Variants in TBC1D31 observed in about 807,000 individuals in gnomAD.
The protein encoded by TBC1D31 is WD repeat domain 67.
Under a neutral mutation model 132.9 loss-of-function variants are expected in TBC1D31, and 99 were observed. That is an observed-to-expected ratio of 0.74 (90% confidence interval 0.63 to 0.88). TBC1D31 has a LOEUF of 0.88. Ranked by LOEUF, TBC1D31 falls within the 40% of genes least tolerant of loss-of-function variation. TBC1D31 has a pLI of 0.00. For synonymous variants in TBC1D31, 385 were observed against 419.4 expected (o/e 0.92, Z 1.00); for missense variants, 1,134 against 1,256.6 (o/e 0.90, Z 1.48).
At chr8:123,076,350 G>A (rs1424363856) in intron 1 of TBC1D31, among the ~76,000 whole-genome samples, 1 of 151,868 alleles carries the variant, frequency 6.6e-6, no homozygotes, top group Non-Finnish European at 1.5e-5. Flanking sequence ...GTGTGTGTGT[G>A]TGTGTGTGTG....
intron 10 of TBC1D31, 65 bp from the exon 11 acceptor site, chr8:123,119,990 A>T: frequency 7.3e-7 from 1 of 1,371,082 alleles, no homozygotes; most frequent in South Asian, 1.6e-5. Context: ...TTTGTATCAA[A>T]TTTTTATCAT....
At chr8:123,164,721 C>CA in the TBC1D31 span, among the ~76,000 whole-genome samples, 116,869 of 146,836 alleles carry the variant, frequency 0.8, 46,542 homozygotes, top group African/African-American at 0.88. Flanking sequence ...GACTCCATCT[C>CA]AAAAAAAAAA....
intron 17 of TBC1D31, among the ~76,000 whole-genome samples, chr8:123,139,544 A>G (rs1268628528): frequency 6.6e-6 from 1 of 152,140 alleles, no homozygotes; most frequent in Admixed American, 6.5e-5. Context: ...CTCTGTGTGC[A>G]TGTTAGGGCA....
downstream of TBC1D31, among the ~76,000 whole-genome samples, chr8:123,152,828 G>A (rs138072468): frequency 5.3e-3 from 805 of 152,210 alleles, 6 homozygotes; most frequent in African/African-American, 0.018. Flanking sequence ...CCGAGATCAC[G>A]CCACCGCACT....
At chr8:123,131,827 AT>A (rs1357836266) in intron 16 of TBC1D31, among the ~76,000 whole-genome samples, 2 of 152,132 alleles carry the variant, frequency 1.3e-5, no homozygotes, top group East Asian at 3.9e-4. Flanking sequence ...CAGTCTTAAT[AT>A]TTGCCAAGCA....
chr8:123,161,596 T>C, the TBC1D31 span, among the ~76,000 whole-genome samples: 4 of 151,740 alleles, frequency 2.6e-5, no homozygotes, highest in Non-Finnish European at 5.9e-5. Context: ...CTTCTGGGCA[T>C]CTCCTCTCAT....
At chr8:123,086,660 A>G (rs1815785250) in intron 4 of TBC1D31, among the ~76,000 whole-genome samples, 1 of 151,588 alleles carries the variant, frequency 6.6e-6, no homozygotes, top group Admixed American at 6.6e-5. Context: ...GTGTCATGCT[A>G]CATTGTCCAC....
chr8:123,079,983 C>T (rs560702253), intron 2 of TBC1D31, among the ~76,000 whole-genome samples: 15 of 152,312 alleles, frequency 9.8e-5, no homozygotes, highest in South Asian at 4.1e-4. Flanking sequence ...TCCCTTTTCA[C>T]TGTTGGTTGT....
the TBC1D31 span, among the ~76,000 whole-genome samples, chr8:123,160,393 G>C: frequency 7.2e-5 from 11 of 152,006 alleles, no homozygotes; most frequent in Non-Finnish European, 1.6e-4. Context: ...AAGGCGAACT[G>C]TAGGAATTAG....
chr8:123,078,076 CTCT>C (rs1814725623), intron 2 of TBC1D31, among the ~76,000 whole-genome samples: 1 of 152,084 alleles, frequency 6.6e-6, no homozygotes, highest in Non-Finnish European at 1.5e-5. Context: ...TTGGTTTTCA[CTCT>C]TCTTCCTCTT....
At chr8:123,146,136 C>A (rs1822188424) in intron 20 of TBC1D31, among the ~76,000 whole-genome samples, 1 of 152,190 alleles carries the variant, frequency 6.6e-6, no homozygotes, top group Non-Finnish European at 1.5e-5. Flanking sequence ...TCCCAAAGTG[C>A]TGGGATTACA....
At chr8:123,165,144 T>G in the TBC1D31 span, among the ~76,000 whole-genome samples, 1 of 152,230 alleles carries the variant, frequency 6.6e-6, no homozygotes, top group African/African-American at 2.4e-5. Flanking sequence ...TCCAGCATTG[T>G]GCAGGAATAA....
At chr8:123,135,609 AC>A in intron 17 of TBC1D31, among the ~76,000 whole-genome samples, 2 of 152,304 alleles carry the variant, frequency 1.3e-5, no homozygotes, top group South Asian at 2.1e-4. Flanking sequence ...AAAAAGTCAT[AC>A]TTTTAGTTTG....
chr8:123,164,755 A>G, the TBC1D31 span, among the ~76,000 whole-genome samples: 2 of 152,172 alleles, frequency 1.3e-5, no homozygotes, highest in African/African-American at 4.8e-5. Flanking sequence ...TGTGCCACAC[A>G]TATAGATGTA....
chr8:123,107,429 T>C (rs534254234), intron 8 of TBC1D31, among the ~76,000 whole-genome samples: 9 of 152,370 alleles, frequency 5.9e-5, no homozygotes, highest in Admixed American at 5.2e-4. Context: ...GTTGATTTTC[T>C]TTATAGTTTT....
chr8:123,080,801 T>C (rs945716145), intron 2 of TBC1D31, among the ~76,000 whole-genome samples: 25 of 152,062 alleles, frequency 1.6e-4, no homozygotes, highest in African/African-American at 6.0e-4. Context: ...TCCCAAAGTG[T>C]TGGGATTAGA....
chr8:123,127,261 A>ATTTTTTTTTTTTTTTTTTTT lies in TBC1D31; in HGVS notation c.1884+581_1884+600dup, dbSNP rs35198781. 2.3e-4 allele frequency among the ~76,000 whole-genome samples: 16 copies of ATTTTTTTTTTTTTTTTTTTT among 69,916 alleles called. 1 individual carries two copies. Among genetic ancestry groups the ATTTTTTTTTTTTTTTTTTTT allele is most frequent in the African/African-American group, 9.8e-4 (16 of 16,364 alleles). 45.9% of individuals were successfully genotyped at this position (69,916 alleles called of 152,430 possible). The stretch of plus-strand genomic sequence containing the variant: ...TAATATTGGGGTTTGTGCTTTTTGC[A>ATTTTTTTTTTTTTTTTTTTT]TTTTTTTTTTTTTTTTTTTTTTTTT... On this transcript the variant is annotated intron_variant, in intron 13 of 21. Transcript: ENST00000287380.
At chr8:123,077,308 T>C (rs753518423) in intron 2 of TBC1D31, 51 bp downstream of exon 2, 2 of 1,517,500 alleles carry the variant, frequency 1.3e-6, no homozygotes, top group Non-Finnish European at 1.8e-6. Context: ...ATTAATTCAC[T>C]GACTGTTTTC....
chr8:123,114,466 A>AC lies in TBC1D31; in HGVS notation c.1436+4852dup, dbSNP rs967928136. On this transcript the variant is annotated intron_variant, in intron 10 of 21. Transcript: ENST00000287380. ...CTCCAGAGTAGCTGGGACTACAGGC[A>AC]CCCCCCACCACACCTGGCTAATTAT... 7.1e-3 allele frequency among the ~76,000 whole-genome samples: 1,072 copies of AC among 151,632 alleles called. 14 individuals are homozygous for AC. Among genetic ancestry groups the AC allele is most frequent in the African/African-American group, 0.025 (1,032 of 41,362 alleles).
Sources: gnomAD v4.1 joint callset for allele counts (sites outside exome capture counted in the v4.1 genomes callset) on GRCh38, gnomAD v4.1.1 for gene constraint, MANE v1.5 for transcripts, NCBI Gene and HGNC (gene_info 2026-07-23, HGNC 2026-07-21) for gene names.